Variants in OR4K1 observed in about 807,000 individuals in gnomAD.
OR4K1 encodes olfactory receptor 4K1.
A neutral mutation model predicts 14.4 loss-of-function variants in OR4K1; 16 were observed. The ratio of observed to expected loss-of-function variants is 1.11; its 90% confidence interval spans 0.75 to 1.68. OR4K1 has a LOEUF of 1.68. OR4K1 is among the 40% of genes most tolerant of loss of function. OR4K1 has a pLI of 0.00. For missense variants in OR4K1, 548 were observed against 376.9 expected, an observed-to-expected ratio of 1.45 and a Z score of -3.76; for synonymous variants, 181 against 133.1, an observed-to-expected ratio of 1.36 and a Z score of -2.48.
the OR4K1 span, among the ~76,000 whole-genome samples, chr14:19,921,870 G>A: frequency 2.0e-5 from 3 of 152,300 alleles, no homozygotes; most frequent in African/African-American, 7.2e-5. Flanking sequence ...AAAAATCAAT[G>A]AGAACCTAAT....
the OR4K1 span, among the ~76,000 whole-genome samples, chr14:19,925,601 G>C: frequency 6.6e-6 from 1 of 152,258 alleles, no homozygotes; most frequent in Non-Finnish European, 1.5e-5. Flanking sequence ...TTTGTTTCCT[G>C]AGATCTCACA....
rs774338541 is a variant in OR4K1, at chr14:19,935,861, T to A, written c.195T>A (p.Asn65Lys). Reference sequence around the variant, plus strand: ...CTCCTATGTACTTCTTGCTCAGTAATCTTTCTTTCATTGATATCTGTCAGT... The same window carrying A: ...CTCCTATGTACTTCTTGCTCAGTAAACTTTCTTTCATTGATATCTGTCAGT... ...LNSPMYFLLS[N>K]LSFIDICQSN... is the part of the protein sequence containing the mutation. The change falls in exon 2 of 2, where the codon AAT (asparagine) becomes AAA (lysine). Residue 65 changes from asparagine to lysine, a missense_variant. Transcript: ENST00000641172. 30 of 1,614,142 alleles carry A rather than the reference T, an allele frequency of 1.9e-5. No homozygotes were observed. The highest frequency in any genetic ancestry group is 1.6e-4 in the Middle Eastern group (1 of 6,084).
the OR4K1 span, among the ~76,000 whole-genome samples, chr14:19,925,701 A>C: frequency 6.6e-6 from 1 of 152,258 alleles, no homozygotes; most frequent in Non-Finnish European, 1.5e-5. Flanking sequence ...CCAGCACAGA[A>C]GCTGTTCGAA....
Position 19,936,015 on chromosome 14 carries a change from G to T in OR4K1, c.349G>T (p.Ala117Ser), listed in dbSNP as rs746069793. 2 of 1,614,246 alleles carry T rather than the reference G, an allele frequency of 1.2e-6. No individual in the cohort carries two copies. Among genetic ancestry groups the T allele is most frequent in the Non-Finnish European group, 1.7e-6 (2 of 1,180,044 alleles). Residue 117 changes from alanine (A) to serine (S), a missense_variant, in exon 2 of 2, where the codon GCT (alanine) becomes TCT (serine). Ala to Ser is a moderately conservative substitution (Grantham distance 99). Transcript: ENST00000641172. ...FVGSEMMLLVAMAYDRFIAIC... is the reference protein window; with the variant it reads ...FVGSEMMLLVSMAYDRFIAIC... ...TGGGAGTGAGATGATGTTGCTTGTA[G>T]CTATGGCATATGACAGATTTATAGC...
chr14:19,922,052 T>C, the OR4K1 span, among the ~76,000 whole-genome samples: 1 of 147,084 alleles, frequency 6.8e-6, no homozygotes, highest in African/African-American at 2.5e-5. Flanking sequence ...CAAGTGGAGA[T>C]TATTAGGTTA....
chr14:19,920,373 T>C, the OR4K1 span, among the ~76,000 whole-genome samples: 3 of 152,230 alleles, frequency 2.0e-5, no homozygotes, highest in Non-Finnish European at 4.4e-5. Context: ...GGGGTTCTAA[T>C]TATACTGATT....
Position 19,936,742 on chromosome 14 carries a change from C to A in OR4K1, c.*140C>A, listed in dbSNP as rs1882338845. On this transcript the variant is annotated 3_prime_UTR_variant, in exon 2 of 2. Transcript: ENST00000641172. Reference sequence around the variant, plus strand: ...TTTTGTTTTAAGTGCAAGGGAATTGCATCAAGTCAGTCTCTGGTTCTATTT... The same window carrying A: ...TTTTGTTTTAAGTGCAAGGGAATTGAATCAAGTCAGTCTCTGGTTCTATTT... 2 of 611,220 alleles carry A rather than the reference C, an allele frequency of 3.3e-6. No individual in the cohort carries two copies. Among genetic ancestry groups the A allele is most frequent in the Non-Finnish European group, 5.1e-6 (2 of 389,158 alleles). 37.9% of individuals were successfully genotyped at this position (611,220 alleles called of 1,614,324 possible).
chr14:19,923,187 G>T, the OR4K1 span, among the ~76,000 whole-genome samples: 1 of 152,162 alleles, frequency 6.6e-6, no homozygotes, highest in Non-Finnish European at 1.5e-5. Context: ...CCCTCAATTT[G>T]CAATACTACC....
chr14:19,936,581 T>G lies in OR4K1; in HGVS notation c.915T>G (p.His305Gln). 1 of 1,601,544 alleles carries G rather than the reference T, an allele frequency of 6.2e-7. No individual in the cohort carries two copies. The highest frequency in any genetic ancestry group is 8.5e-7 in the Non-Finnish European group (1 of 1,175,096). ...KAAMWKLRNR[H>Q]VNSWKN is the part of the protein sequence containing the mutation. The stretch of plus-strand genomic sequence containing the variant: ...CCATGTGGAAGCTGAGAAACCGTCA[T>G]GTGAACTCCTGGAAAAACTAGGGAT... Residue 305 changes from histidine (H) to glutamine (Q), a missense_variant, in exon 2 of 2, where the codon CAT becomes CAG. Transcript: ENST00000641172.
the OR4K1 span, chr14:19,920,928 A>G: frequency 6.2e-7 from 1 of 1,614,070 alleles, no homozygotes; most frequent in Non-Finnish European, 8.5e-7. Context: ...TCACCTTTTT[A>G]CTGGAGGGGA....
the OR4K1 span, chr14:19,920,972 G>T: frequency 2.5e-6 from 4 of 1,614,168 alleles, no homozygotes; most frequent in Non-Finnish European, 3.4e-6. Context: ...CCTATGACAG[G>T]TATGTAGCCA....
At chr14:19,925,089 TATAG>T in the OR4K1 span, among the ~76,000 whole-genome samples, 1 of 152,348 alleles carries the variant, frequency 6.6e-6, no homozygotes, top group African/African-American at 2.4e-5. Context: ...TTACAGATCC[TATAG>T]ACTTTCCCTG....
the OR4K1 span, chr14:19,920,719 T>C: frequency 7.4e-6 from 12 of 1,614,158 alleles, no homozygotes; most frequent in Non-Finnish European, 9.3e-6. Flanking sequence ...TATACAGTCA[T>C]TGTGCTGGGA....
At chr14:19,923,912 A>T in the OR4K1 span, among the ~76,000 whole-genome samples, 1 of 152,212 alleles carries the variant, frequency 6.6e-6, no homozygotes, top group Admixed American at 6.5e-5. Context: ...CAAATTACTC[A>T]TGTGGGTTCT....
In OR4K1 at chr14:19,936,131, T is replaced by A; in HGVS notation, c.465T>A (p.His155Gln). 6.2e-7 allele frequency: 1 copy of A among 1,614,228 alleles called. No homozygotes were observed. Among genetic ancestry groups the A allele is most frequent in the Non-Finnish European group, 8.5e-7 (1 of 1,180,034 alleles). ...TTTCCTGGGCGGTGGGCGTTCTTCA[T>A]TCTGTGAGCCACTTGGCTTTTACAG... ...VSISWAVGVL[H>Q]SVSHLAFTVD... The change falls in exon 2 of 2, where the codon CAT (histidine) becomes CAA (glutamine). Residue 155 changes from histidine (H) to glutamine (Q), a missense_variant. Physicochemically the swap from His to Gln is conservative, Grantham distance 24. Coordinates refer to ENST00000641172, the MANE Select transcript of OR4K1 (RefSeq NM_001004063.3).
upstream of OR4K1, among the ~76,000 whole-genome samples, chr14:19,929,070 A>G (rs1882124792): frequency 6.6e-6 from 1 of 151,906 alleles, no homozygotes; most frequent in Non-Finnish European, 1.5e-5. Flanking sequence ...CAACTCCAAG[A>G]TTATAAAAAA....
chr14:19,924,255 C>G, the OR4K1 span, among the ~76,000 whole-genome samples: 7 of 152,008 alleles, frequency 4.6e-5, no homozygotes, highest in East Asian at 1.9e-4. Context: ...ACAAAATTAG[C>G]CGGGCATGGT....
At chr14:19,921,124 T>C in the OR4K1 span, 2 of 1,613,946 alleles carry the variant, frequency 1.2e-6, no homozygotes, top group South Asian at 1.1e-5. Flanking sequence ...GGACCTAATG[T>C]AGTAGACAGC....
intron 1 of OR4K1, among the ~76,000 whole-genome samples, chr14:19,935,279 A>C (rs1426985913): frequency 6.6e-6 from 1 of 152,238 alleles, no homozygotes; most frequent in Non-Finnish European, 1.5e-5. Context: ...ACAAATAGAA[A>C]TTATTCGAGC....
Sources: gnomAD v4.1 joint callset for allele counts (sites outside exome capture counted in the v4.1 genomes callset) on GRCh38, gnomAD v4.1.1 for gene constraint, MANE v1.5 for transcripts, NCBI Gene and HGNC (gene_info 2026-07-23, HGNC 2026-07-21) for gene names.